FRMD6: variants seen among roughly 807,000 people sequenced by gnomAD.
FRMD6 encodes the protein FERM domain containing 6, also known as FERM domain-containing protein 6.
Under a neutral mutation model 73.2 loss-of-function variants are expected in FRMD6, and 37 were observed. The ratio of observed to expected loss-of-function variants is 0.51; its 90% CI spans 0.39 to 0.66. The LOEUF is 0.66. Among genes scored for constraint, FRMD6 ranks in the 30% least tolerant of loss-of-function variants. The pLI is 0.00. For missense variants in FRMD6, 714 were observed against 780.5 expected, an observed-to-expected ratio of 0.91 and a Z score of 1.02; for synonymous variants, 273 against 282.2, an observed-to-expected ratio of 0.97 and a Z score of 0.33.
the FRMD6 span, among the ~76,000 whole-genome samples, chr14:51,450,993 G>A: frequency 1.3e-5 from 2 of 152,200 alleles, no homozygotes; most frequent in South Asian, 4.1e-4. Flanking sequence ...TGCAGAGTGG[G>A]CATGTCACAG....
chr14:51,566,559 G>A (rs948942610), intron 1 of FRMD6, among the ~76,000 whole-genome samples: 4 of 152,130 alleles, frequency 2.6e-5, no homozygotes, highest in African/African-American at 9.7e-5. Flanking sequence ...TTTCACCTGG[G>A]TCTTTTTAAA....
the FRMD6 span, among the ~76,000 whole-genome samples, chr14:51,482,372 G>A: frequency 6.6e-6 from 1 of 152,332 alleles, no homozygotes; most frequent in Non-Finnish European, 1.5e-5. Context: ...GCCACACACA[G>A]TCTCCAGCGC....
intron 1 of FRMD6, among the ~76,000 whole-genome samples, chr14:51,506,287 C>T (rs192189723): frequency 1.8e-4 from 27 of 152,318 alleles, no homozygotes; most frequent in African/African-American, 6.5e-4. Flanking sequence ...CCAGGCCTCC[C>T]TCTCAGCGCC....
intron 1 of FRMD6, among the ~76,000 whole-genome samples, chr14:51,566,198 C>T (rs1268885884): frequency 6.6e-6 from 1 of 152,282 alleles, no homozygotes; most frequent in South Asian, 2.1e-4. Flanking sequence ...GAAATGTATG[C>T]ATTTAGGATA....
At chr14:51,533,617 G>A (rs1348741961) in intron 1 of FRMD6, among the ~76,000 whole-genome samples, 2 of 152,116 alleles carry the variant, frequency 1.3e-5, no homozygotes, top group Non-Finnish European at 2.9e-5. Flanking sequence ...ATTTCTACCA[G>A]GCTTGTCATA....
the FRMD6 span, among the ~76,000 whole-genome samples, chr14:51,431,698 C>T: frequency 1.3e-5 from 2 of 152,180 alleles, no homozygotes. Context: ...CTCCCCTTAG[C>T]TATTTTCCCT....
At chr14:51,491,717 A>G (rs1330924739) in intron 1 of FRMD6, among the ~76,000 whole-genome samples, 2 of 152,236 alleles carry the variant, frequency 1.3e-5, no homozygotes, top group East Asian at 3.8e-4. Flanking sequence ...TTCAAATCTA[A>G]GTGCCCGACT....
In FRMD6 at chr14:51,704,974, C is replaced by T. The variant is rs147800651; in HGVS notation, c.558+39C>T. The T allele has an allele frequency of 1.7e-4, 259 of 1,559,386 alleles. No individual in the cohort carries two copies. In the African/African-American group the frequency reaches 2.7e-3, roughly 16 times the overall value. On this transcript the variant is annotated intron_variant, in intron 6 of 13. Transcript: ENST00000344768. ...TCAAATTCGAAAGAGTGTTTTCTCT[C>T]GGGCATTTCTAGTTCGTAGTGTTGC...
At chr14:51,659,324 G>A (rs1184583530) in intron 1 of FRMD6, among the ~76,000 whole-genome samples, 3 of 152,228 alleles carry the variant, frequency 2.0e-5, no homozygotes, top group Non-Finnish European at 4.4e-5. Flanking sequence ...AACGTCTTAC[G>A]TGATGTTAGC....
At chr14:51,671,765 A>C (rs1250180021) in intron 1 of FRMD6, among the ~76,000 whole-genome samples, 1 of 152,206 alleles carries the variant, frequency 6.6e-6, no homozygotes, top group Non-Finnish European at 1.5e-5. Context: ...GAGACTAGCA[A>C]ATGTTAAAGA....
intron 2 of FRMD6, among the ~76,000 whole-genome samples, chr14:51,585,014 C>T (rs1888944986): frequency 6.6e-6 from 1 of 152,136 alleles, no homozygotes; most frequent in African/African-American, 2.4e-5. Flanking sequence ...TGGAATGGTC[C>T]TTGCACGTAG....
At chr14:51,499,256 GT>G (rs1271203463) in intron 1 of FRMD6, among the ~76,000 whole-genome samples, 1 of 152,184 alleles carries the variant, frequency 6.6e-6, no homozygotes, top group Non-Finnish European at 1.5e-5. Flanking sequence ...TGAGCCTGTA[GT>G]TTTTCTCTGT....
At chr14:51,465,908 T>G in the FRMD6 span, among the ~76,000 whole-genome samples, 1 of 152,246 alleles carries the variant, frequency 6.6e-6, no homozygotes, top group South Asian at 2.1e-4. Context: ...TTGTACCATT[T>G]AATCTTCTAC....
chr14:51,652,443 C>G (rs578072156), intron 1 of FRMD6, among the ~76,000 whole-genome samples: 1 of 152,334 alleles, frequency 6.6e-6, no homozygotes, highest in South Asian at 2.1e-4. Context: ...CTGGCGGGCC[C>G]CGGCACCCAG....
chr14:51,615,754 A>G (rs1890684853), intron 2 of FRMD6, among the ~76,000 whole-genome samples: 1 of 152,228 alleles, frequency 6.6e-6, no homozygotes, highest in African/African-American at 2.4e-5. Flanking sequence ...CAGGAGAGTC[A>G]TGATCCACCC....
At chr14:51,494,776 A>C (rs778904286) in intron 1 of FRMD6, among the ~76,000 whole-genome samples, 9 of 152,178 alleles carry the variant, frequency 5.9e-5, no homozygotes, top group Non-Finnish European at 1.2e-4. Flanking sequence ...TGAAGGTGAC[A>C]GCCGTAATAT....
chr14:51,682,442 A>G (rs1434706241), intron 1 of FRMD6, among the ~76,000 whole-genome samples: 1 of 152,122 alleles, frequency 6.6e-6, no homozygotes, highest in Non-Finnish European at 1.5e-5. Flanking sequence ...GAATGAATGT[A>G]TCAAGCAGTC....
chr14:51,722,697 C>T (rs116917604), intron 12 of FRMD6, among the ~76,000 whole-genome samples: 1,781 of 152,296 alleles, frequency 0.012, 25 homozygotes, highest in Middle Eastern at 0.02. Context: ...CTTTAAAAAA[C>T]GGCAGCAGTA....
At chr14:51,685,859 C>T (rs1332253244) in intron 1 of FRMD6, among the ~76,000 whole-genome samples, 5 of 152,084 alleles carry the variant, frequency 3.3e-5, no homozygotes, top group South Asian at 2.1e-4. Flanking sequence ...TAAATATTAC[C>T]GTACTGTGTG....
Sources: gnomAD v4.1 joint callset for allele counts (sites outside exome capture counted in the v4.1 genomes callset) on GRCh38, gnomAD v4.1.1 for gene constraint, MANE v1.5 for transcripts, NCBI Gene and HGNC (gene_info 2026-07-23, HGNC 2026-07-21) for gene names.